ZNF728: variants seen among roughly 807,000 people sequenced by gnomAD.
ZNF728 encodes zinc finger protein 728.
A neutral mutation model predicts 12.5 loss-of-function variants in ZNF728; 12 were observed. The observed-to-expected ratio is 0.96, with a 90% confidence interval of 0.61 to 1.55. The LOEUF (loss-of-function observed/expected upper bound fraction) is 1.55, where lower values mean the gene tolerates loss of function less well. ZNF728 is among the 40% of genes most tolerant of loss of function. The pLI is 0.00. For missense variants in ZNF728, 692 were observed against 719.2 expected (o/e 0.96, Z 0.43); for synonymous variants, 205 against 240.7 (o/e 0.85, Z 1.37).
Position 22,975,982 on chromosome 19 carries a change from T to C in ZNF728, c.1355A>G (p.Tyr452Cys), listed in dbSNP as rs773501888. 4.0e-5 allele frequency: 64 copies of C among 1,612,744 alleles called. 1 individual carries two copies. The highest frequency in any genetic ancestry group is 5.2e-5 in the Non-Finnish European group (61 of 1,179,904). The change falls in exon 4 of 4, where the codon TAC (tyrosine) becomes TGC (cysteine). Residue 452 changes from tyrosine to cysteine, a missense_variant. Around this residue, in one of 3 missense-constraint regions of ZNF728, gnomAD observed 244 missense variants for 235.2 expected, o/e 1.04. Coordinates refer to ENST00000594710, the MANE Select transcript of ZNF728 (RefSeq NM_001267716.2). ...GACTTTGCCACATTCTTCACATTTG[T>C]AGTGTTTCTCTCCAGTATGAATTAC... The part of the protein sequence containing the change: ...HKVIHTGEKH[Y>C]KCEECGKVFS...
intron 3 of ZNF728, among the ~76,000 whole-genome samples, chr19:22,978,128 C>T (rs1968825287): frequency 6.6e-6 from 1 of 151,736 alleles, no homozygotes; most frequent in Non-Finnish European, 1.5e-5. Flanking sequence ...CACACAAATA[C>T]ATTTATAACA....
chr19:22,985,348 C>T (rs1303533915), intron 3 of ZNF728, among the ~76,000 whole-genome samples: 1 of 152,128 alleles, frequency 6.6e-6, no homozygotes, highest in African/African-American at 2.4e-5. Flanking sequence ...ATGAGAGAAC[C>T]AGGCAGCATG....
rs879559395 is a variant in ZNF728, at chr19:23,000,865, CAAAAAAAAA to C, written c.3+2154_3+2162del. Among the ~76,000 whole-genome samples the C allele has an allele frequency of 1.0e-3, 33 of 32,622 alleles. No individual in the cohort carries two copies. The Admixed American group carries it at 0.011, about 11-fold the overall frequency. 21.4% of individuals were successfully genotyped at this position (32,622 alleles called of 152,430 possible). On this transcript the variant is annotated intron_variant, in intron 1 of 3. Coordinates refer to ENST00000594710, the MANE Select transcript of ZNF728 (RefSeq NM_001267716.2). The stretch of plus-strand genomic sequence containing the variant: ...CCTGGGCGACAGAGGAAAACACTGT[CAAAAAAAAA>C]AAAAAAAAAAACCAAAAAAAAAAAA...
intron 3 of ZNF728, among the ~76,000 whole-genome samples, chr19:22,979,391 G>C (rs1025189744): frequency 6.6e-6 from 1 of 152,112 alleles, no homozygotes; most frequent in Admixed American, 6.5e-5. Flanking sequence ...ACATTTGATC[G>C]GGGTACCTGA....
chr19:22,980,230 C>T (rs1968848295), intron 3 of ZNF728, among the ~76,000 whole-genome samples: 1 of 148,230 alleles, frequency 6.7e-6, no homozygotes, highest in African/African-American at 2.5e-5. Flanking sequence ...GGGTTGCAAT[C>T]CTAGTCTCTG....
intron 1 of ZNF728, among the ~76,000 whole-genome samples, chr19:22,996,628 C>A (rs2145352945): frequency 6.6e-6 from 1 of 152,168 alleles, no homozygotes; most frequent in African/African-American, 2.4e-5. Context: ...AAAATATAAC[C>A]TTTTGCCAAG....
In ZNF728 at chr19:22,974,982, T is replaced by C. The variant is rs983452652; in HGVS notation, c.*486A>G. 6.6e-6 allele frequency among the ~76,000 whole-genome samples: 1 copy of C among 152,194 alleles called. No homozygotes were observed. Among genetic ancestry groups the C allele is most frequent in the African/African-American group, 2.4e-5 (1 of 41,468 alleles). On this transcript the variant is annotated 3_prime_UTR_variant, in exon 4 of 4. Coordinates refer to ENST00000594710, the MANE Select transcript of ZNF728 (RefSeq NM_001267716.2). ...TTGCCACATTGTTTATTCTAGTAGT[T>C]TTCTCCAGTATGAGATATCTTACCT...
chr19:22,996,824 G>T (rs1479213711), intron 1 of ZNF728, among the ~76,000 whole-genome samples: 1 of 152,016 alleles, frequency 6.6e-6, no homozygotes, highest in African/African-American at 2.4e-5. Context: ...TTTCACATAT[G>T]AGAATAAAAC....
intron 1 of ZNF728, among the ~76,000 whole-genome samples, chr19:22,993,878 G>A (rs987330893): frequency 6.6e-6 from 1 of 152,130 alleles, no homozygotes; most frequent in Admixed American, 6.5e-5. Context: ...AAAAGGACTT[G>A]CATTCCTCAG....
intron 1 of ZNF728, among the ~76,000 whole-genome samples, chr19:22,994,746 G>A (rs538423258): frequency 1.3e-5 from 2 of 152,322 alleles, no homozygotes; most frequent in South Asian, 4.1e-4. Context: ...TACAAAAATT[G>A]TTGATTCGGG....
chr19:23,000,273 G>C (rs1165309939), intron 1 of ZNF728, among the ~76,000 whole-genome samples: 1 of 151,834 alleles, frequency 6.6e-6, no homozygotes, highest in Non-Finnish European at 1.5e-5. Context: ...AGCTACTCGG[G>C]AGACTGAAGC....
intron 1 of ZNF728, among the ~76,000 whole-genome samples, chr19:22,989,665 A>AT (rs1968962842): frequency 1.3e-5 from 2 of 152,244 alleles, no homozygotes; most frequent in Admixed American, 1.3e-4. Flanking sequence ...TATAGTCTGA[A>AT]TTTAACCATA....
At chr19:22,996,495 T>C (rs1969051233) in intron 1 of ZNF728, among the ~76,000 whole-genome samples, 1 of 152,196 alleles carries the variant, frequency 6.6e-6, no homozygotes, top group Non-Finnish European at 1.5e-5. Context: ...CAGTATCTTT[T>C]AGTCTATATT....
rs114532995 is a variant in ZNF728, at chr19:22,989,934, T to C, written c.4-1483A>G. On this transcript the variant is annotated intron_variant, in intron 1 of 3. Coordinates refer to ENST00000594710, the MANE Select transcript of ZNF728 (RefSeq NM_001267716.2). Reference sequence around the variant, plus strand: ...CTCTGCCTTCACTAAAAACCCCAGGTTTTCCCCAATAGGAATTTTGAGTAT... The same window carrying C: ...CTCTGCCTTCACTAAAAACCCCAGGCTTTCCCCAATAGGAATTTTGAGTAT... 9.9e-3 allele frequency among the ~76,000 whole-genome samples: 1,504 copies of C among 152,218 alleles called. 32 individuals are homozygous for C. The highest frequency in any genetic ancestry group is 0.034 in the African/African-American group (1,431 of 41,532).
At chr19:22,999,775 C>A (rs1969087187) in intron 1 of ZNF728, among the ~76,000 whole-genome samples, 1 of 152,102 alleles carries the variant, frequency 6.6e-6, no homozygotes, top group African/African-American at 2.4e-5. Flanking sequence ...TAAACAGTTA[C>A]ATGGGAACAC....
intron 1 of ZNF728, among the ~76,000 whole-genome samples, chr19:23,000,879 AAAAAAACC>A (rs1295203559): frequency 1.7e-5 from 2 of 117,976 alleles, no homozygotes; most frequent in African/African-American, 1.1e-4. Flanking sequence ...AAAAAAAAAA[AAAAAAACC>A]AAAAAAAAAA....
intron 3 of ZNF728, among the ~76,000 whole-genome samples, chr19:22,977,753 C>A (rs1968821901): frequency 1.3e-5 from 2 of 152,152 alleles, no homozygotes; most frequent in African/African-American, 4.8e-5. Flanking sequence ...GTTTGAGAGA[C>A]CCACATAATC....
rs1270187001 is a variant in ZNF728, at chr19:22,976,477, T to G, written c.860A>C (p.Glu287Ala). Reference protein sequence around the residue: ...SHAGEKPYKCEECGKAFSKAS... With the variant: ...SHAGEKPYKCAECGKAFSKAS... ...CTTACTAAAGGCTTTGCCACATTCT[T>G]CACATTTGTAGGGTTTCTCTCCAGC... The change falls in exon 4 of 4, where the codon GAA becomes GCA. Residue 287 changes from glutamate (E) to alanine (A), a missense_variant. Transcript: ENST00000594710. 8.7e-6 allele frequency: 14 copies of G among 1,613,102 alleles called. No homozygotes were observed. The highest frequency in any genetic ancestry group is 1.2e-5 in the Non-Finnish European group (14 of 1,179,968).
chr19:22,976,647 A>C lies in ZNF728; in HGVS notation c.690T>G (p.Cys230Trp), dbSNP rs750024211. 6.2e-7 allele frequency: 1 copy of C among 1,611,692 alleles called. No homozygotes were observed. The highest frequency in any genetic ancestry group is 8.5e-7 in the Non-Finnish European group (1 of 1,178,824). Residue 230 changes from cysteine (C) to tryptophan (W), a missense_variant, in exon 4 of 4, where the codon TGT (cysteine) becomes TGG (tryptophan). Coordinates refer to ENST00000594710, the MANE Select transcript of ZNF728 (RefSeq NM_001267716.2). ...TACTAAAGGCTTTGCCACATTCTTC[A>C]CATTTGCAGGGTTTCTCTCCAGTAT... ...RIHTGEKPCKCEECGKAFSKF... is the reference protein window; with the variant it reads ...RIHTGEKPCKWEECGKAFSKF...
Sources: allele counts gnomAD v4.1 joint callset (sites outside exome capture counted in the v4.1 genomes callset), GRCh38; gene constraint gnomAD v4.1.1; regional missense constraint gnomAD v4.1.1; transcripts MANE v1.5; gene names NCBI Gene and HGNC (gene_info 2026-07-23, HGNC 2026-07-21).